Variants in KIAA0319L observed in about 807,000 individuals in gnomAD.
The protein encoded by KIAA0319L is KIAA0319 like, also known as dyslexia-associated protein KIAA0319-like protein.
Under a neutral mutation model 120.1 loss-of-function variants are expected in KIAA0319L, and 55 were observed. That is an observed-to-expected ratio of 0.46 (90% CI 0.37 to 0.57). The LOEUF is 0.57. KIAA0319L is among the 20% of genes least tolerant of loss of function. The pLI, the probability that KIAA0319L is intolerant of heterozygous loss-of-function variation, is 0.00. For synonymous variants in KIAA0319L, 398 were observed against 471.9 expected, an observed-to-expected ratio of 0.84 and a Z score of 2.03; for missense variants, 1,049 against 1,255.3, an observed-to-expected ratio of 0.84 and a Z score of 2.48.
At chr1:35,551,914 C>T (rs1355441225) in intron 2 of KIAA0319L, among the ~76,000 whole-genome samples, 1 of 152,136 alleles carries the variant, frequency 6.6e-6, no homozygotes, top group African/African-American at 2.4e-5. Context: ...TAAAGACTTG[C>T]ACAATGAGCC....
chr1:35,504,076 G>C (rs1160416950), intron 3 of KIAA0319L, among the ~76,000 whole-genome samples: 1 of 151,532 alleles, frequency 6.6e-6, no homozygotes, highest in African/African-American at 2.4e-5. Flanking sequence ...AGTAGAGGCG[G>C]GGTTTCACCA....
intron 3 of KIAA0319L, among the ~76,000 whole-genome samples, chr1:35,488,812 G>A (rs1229299372): frequency 1.3e-5 from 2 of 152,150 alleles, no homozygotes; most frequent in Non-Finnish European, 2.9e-5. Flanking sequence ...AGAATACACT[G>A]CAATCAGCAA....
chr1:35,450,057 C>T lies in KIAA0319L; in HGVS notation c.2215-52G>A, dbSNP rs113332469. On this transcript the variant is annotated intron_variant, in intron 14 of 20. Coordinates refer to ENST00000325722, the MANE Select transcript of KIAA0319L (RefSeq NM_024874.5). Reference sequence around the variant, plus strand: ...TTACAGAACAAAATGCCATTCCTTTCCTGGAGTCAGTTGCTGCTTTCACCA... The same window carrying T: ...TTACAGAACAAAATGCCATTCCTTTTCTGGAGTCAGTTGCTGCTTTCACCA... 10 of 1,606,460 alleles carry T rather than the reference C, an allele frequency of 6.2e-6. 1 individual carries two copies. The highest frequency in any genetic ancestry group is 2.7e-5 in the African/African-American group (2 of 74,902).
Position 35,434,999 on chromosome 1 carries a change from T to C in KIAA0319L, c.3045A>G (p.Thr1015=). Residue 1015 remains threonine, a synonymous_variant, in exon 21 of 21, where the codon ACA becomes ACG. Transcript: ENST00000325722. The part of the protein sequence containing the change: ...SELDSDDAIF[T]WPDREKGKLL... ...GTTTGCCCTTCTCTCGGTCTGGCCA[T>C]GTAAAGATGGCATCATCGCTGTCCA... 6.2e-7 allele frequency: 1 copy of C among 1,614,194 alleles called. No individual in the cohort carries two copies. Among genetic ancestry groups the C allele is most frequent in the Non-Finnish European group, 8.5e-7 (1 of 1,180,028 alleles).
intron 2 of KIAA0319L, among the ~76,000 whole-genome samples, chr1:35,525,272 A>C (rs1646080710): frequency 6.6e-6 from 1 of 152,136 alleles, no homozygotes. Context: ...TTAATTCCAT[A>C]TCTTTGCTAT....
Position 35,453,661 on chromosome 1 carries a change from T to A in KIAA0319L, c.1809A>T (p.Ala603=), listed in dbSNP as rs750193923. Reference sequence around the variant, plus strand: ...GAAGGGTCAGCTCTTTATCTGGGCCTGCATCTGCCTGAGGAGGCTTATTGT... The same window carrying A: ...GAAGGGTCAGCTCTTTATCTGGGCCAGCATCTGCCTGAGGAGGCTTATTGT... ...PENNKPPQAD[A]GPDKELTLPV... Residue 603 remains alanine (A), a synonymous_variant, in exon 12 of 21, where the codon GCA becomes GCT. Coordinates refer to ENST00000325722, the MANE Select transcript of KIAA0319L (RefSeq NM_024874.5). This position sits in a 1 kb window ranked among gnomAD's most constrained non-coding sequence, Gnocchi z 4.1. 3 of 1,613,870 alleles carry A rather than the reference T, an allele frequency of 1.9e-6. No homozygotes were observed. The Admixed American group carries it at 5.0e-5, about 27-fold the overall frequency.
intron 2 of KIAA0319L, among the ~76,000 whole-genome samples, chr1:35,535,629 C>G (rs973133013): frequency 3.3e-5 from 5 of 152,060 alleles, no homozygotes; most frequent in African/African-American, 4.8e-5. Flanking sequence ...TTAACATGAG[C>G]CTGGCATATA....
intron 8 of KIAA0319L, among the ~76,000 whole-genome samples, chr1:35,460,660 C>A (rs1642826659): frequency 1.3e-5 from 2 of 152,120 alleles, no homozygotes; most frequent in African/African-American, 4.8e-5. Context: ...ACACAGGCAA[C>A]CTCTGGTTAA....
intron 2 of KIAA0319L, among the ~76,000 whole-genome samples, chr1:35,549,795 T>A (rs1477131195): frequency 6.6e-6 from 1 of 152,244 alleles, no homozygotes; most frequent in Non-Finnish European, 1.5e-5. Context: ...TTGTTGTTTT[T>A]AAAGCTTAAT....
Position 35,442,895 on chromosome 1 carries a change from A to C in KIAA0319L, c.2779+11T>G. ...CAAACAGGCTGGCACTGTGCCACAT[A>C]GAAAACTCACCACAGTTGCTGTCTC... On this transcript the variant is annotated intron_variant, in intron 18 of 20. Transcript: ENST00000325722. The C allele has an allele frequency of 1.9e-6, 3 of 1,614,232 alleles. No individual in the cohort carries two copies. The highest frequency in any genetic ancestry group is 2.5e-6 in the Non-Finnish European group (3 of 1,180,038).
At position 35,460,214 on chromosome 1, in the gene KIAA0319L, A is replaced by G. The variant is rs1477610874; in HGVS notation, c.1427+91T>C. The G allele has an allele frequency of 6.7e-6, 7 of 1,048,244 alleles. No individual in the cohort carries two copies. In the South Asian group the frequency reaches 7.6e-5, roughly 11 times the overall value. 64.9% of individuals were successfully genotyped at this position (1,048,244 alleles called of 1,614,324 possible). A position where few individuals can be genotyped will look rare whatever the true frequency, so the allele number is the denominator to read the frequency against. On this transcript the variant is annotated intron_variant, in intron 9 of 20. Transcript: ENST00000325722. Reference sequence around the variant, plus strand: ...ATCAACCAACTCCACAGTGAATTTGATATTTGTCAAAGTTACTCATATAAC... The same window carrying G: ...ATCAACCAACTCCACAGTGAATTTGGTATTTGTCAAAGTTACTCATATAAC...
At position 35,506,795 on chromosome 1, in the gene KIAA0319L, C is replaced by G. The variant is rs754022734; in HGVS notation, c.483G>C (p.Trp161Cys). The G allele has an allele frequency of 5.0e-6, 8 of 1,614,062 alleles. No homozygotes were observed. The African/African-American group carries it at 1.1e-4, about 22-fold the overall frequency. ...GTGCAGCTCTGGGTGGGCTCTGCCT[C>G]CAAGATGCCCAGTTCCAACCTAGCC... is the stretch of plus-strand genomic sequence containing the variant. Reference protein sequence around the residue: ...LLGLGWNWASWRQSPPRAALR... With the variant: ...LLGLGWNWASCRQSPPRAALR... Residue 161 changes from tryptophan to cysteine, a missense_variant, in exon 3 of 21, where the codon TGG becomes TGC. Transcript: ENST00000325722. The surrounding 1 kb of genome is among the most constrained non-coding windows in gnomAD (Gnocchi z 4.0).
chr1:35,484,820 T>C (rs1644323012), intron 3 of KIAA0319L, among the ~76,000 whole-genome samples: 1 of 139,624 alleles, frequency 7.2e-6, no homozygotes. Context: ...TTTTTTTTAT[T>C]ATACTCTAAG....
intron 3 of KIAA0319L, among the ~76,000 whole-genome samples, chr1:35,481,081 A>C (rs1172798666): frequency 1.3e-5 from 2 of 152,218 alleles, no homozygotes; most frequent in African/African-American, 4.8e-5. Flanking sequence ...GCTTTCACTC[A>C]ACACGTTTTT....
intron 9 of KIAA0319L, among the ~76,000 whole-genome samples, chr1:35,458,322 T>C (rs1235570385): frequency 3.9e-5 from 6 of 152,108 alleles, no homozygotes. Context: ...CAGCTGCCCA[T>C]TTTCTCTTTC....
At chr1:35,525,429 T>G (rs1303503120) in intron 2 of KIAA0319L, among the ~76,000 whole-genome samples, 2 of 152,180 alleles carry the variant, frequency 1.3e-5, no homozygotes. Context: ...CTCCATACTG[T>G]TTTACATAAT....
intron 2 of KIAA0319L, among the ~76,000 whole-genome samples, chr1:35,548,167 A>C (rs1313973821): frequency 6.6e-6 from 1 of 151,872 alleles, no homozygotes; most frequent in African/African-American, 2.4e-5. Context: ...CAGAACATCT[A>C]AATTCTACCC....
intron 2 of KIAA0319L, among the ~76,000 whole-genome samples, chr1:35,526,658 G>A (rs1363442748): frequency 6.6e-6 from 1 of 151,824 alleles, no homozygotes; most frequent in Non-Finnish European, 1.5e-5. Flanking sequence ...AGTTGCTCAG[G>A]CATGAGCCAC....
In KIAA0319L at chr1:35,504,235, T is replaced by C. The variant is rs183500720; in HGVS notation, c.666+2377A>G. 1.8e-3 allele frequency among the ~76,000 whole-genome samples: 265 copies of C among 144,048 alleles called. 2 individuals are homozygous for C. Among genetic ancestry groups the C allele is most frequent in the African/African-American group, 6.3e-3 (244 of 38,980 alleles). The allele number at this position is 144,048 out of a possible 152,430, so 94.5% of individuals were successfully genotyped here. The stretch of plus-strand genomic sequence containing the variant: ...TTTTTGAGACAGAGTCTTACTCTGT[T>C]GCCCAGGCTGGAGTGCAGTGGCGCA... On this transcript the variant is annotated intron_variant, in intron 3 of 20. Transcript: ENST00000325722.
Sources: gnomAD v4.1 joint callset for allele counts (sites outside exome capture counted in the v4.1 genomes callset) on GRCh38, gnomAD v4.1.1 for gene constraint, Gnocchi (gnomAD v3.1) non-coding constraint, MANE v1.5 for transcripts, NCBI Gene and HGNC (gene_info 2026-07-23, HGNC 2026-07-21) for gene names.